PPM1H: variants seen among roughly 807,000 people sequenced by gnomAD.
PPM1H encodes protein phosphatase, Mg2+/Mn2+ dependent 1H.
Under a neutral mutation model 54.9 loss-of-function variants are expected in PPM1H, and 27 were observed. That is an observed-to-expected ratio of 0.49 (90% confidence interval 0.36 to 0.68). PPM1H has a LOEUF of 0.68. Ranked by LOEUF, PPM1H falls within the 30% of genes least tolerant of loss-of-function variation. PPM1H has a pLI of 0.00. For synonymous variants in PPM1H, 305 were observed against 270.8 expected, an observed-to-expected ratio of 1.13 and a Z score of -1.24; for missense variants, 596 against 667.8, an observed-to-expected ratio of 0.89 and a Z score of 1.19.
intron 2 of PPM1H, among the ~76,000 whole-genome samples, chr12:62,827,802 T>G (rs188097940): frequency 6.6e-6 from 1 of 152,258 alleles, no homozygotes; most frequent in Admixed American, 6.5e-5. Context: ...ACCTTACCCA[T>G]CCCCTTCTCC....
intron 6 of PPM1H, among the ~76,000 whole-genome samples, chr12:62,703,691 G>A (rs2120390733): frequency 6.6e-6 from 1 of 152,222 alleles, no homozygotes; most frequent in Admixed American, 6.5e-5. Flanking sequence ...GCTTTTAAGA[G>A]CTTGGCATGA....
intron 4 of PPM1H, among the ~76,000 whole-genome samples, chr12:62,754,157 A>G (rs140117677): frequency 0.014 from 2,097 of 152,358 alleles, 29 homozygotes; most frequent in Middle Eastern, 0.041. Context: ...AAGGAAGGGC[A>G]TTGAAGAAGA....
chr12:62,931,122 C>T (rs1422253557), intron 1 of PPM1H, among the ~76,000 whole-genome samples: 1 of 152,148 alleles, frequency 6.6e-6, no homozygotes, highest in African/African-American at 2.4e-5. Context: ...AATTTTTCTA[C>T]CATCTCAAAG....
chr12:62,789,566 A>G (rs1045106047), intron 3 of PPM1H, among the ~76,000 whole-genome samples: 1 of 152,254 alleles, frequency 6.6e-6, no homozygotes, highest in Non-Finnish European at 1.5e-5. Flanking sequence ...TTACAATGGT[A>G]AAACGTTTAT....
intron 9 of PPM1H, among the ~76,000 whole-genome samples, chr12:62,654,078 CA>C (rs1407589443): frequency 1.3e-5 from 2 of 151,508 alleles, no homozygotes; most frequent in Non-Finnish European, 2.9e-5. Flanking sequence ...CCTGTCTCTA[CA>C]AAAAAATACA....
chr12:62,732,200 C>A lies in PPM1H; in HGVS notation c.954+5302G>T, dbSNP rs563213591. ...CCTGCCACATTCCGTGTGAACATGT[C>A]AAACCCTCAAGCCTGCTCAATTAAT... On this transcript the variant is annotated intron_variant, in intron 5 of 9. Transcript: ENST00000228705. Among the ~76,000 whole-genome samples the A allele has an allele frequency of 3.3e-5, 5 of 152,302 alleles. No homozygotes were observed. The South Asian group carries it at 1.0e-3, about 32-fold the overall frequency.
intron 6 of PPM1H, among the ~76,000 whole-genome samples, chr12:62,694,667 G>T (rs1337443702): frequency 6.6e-6 from 1 of 152,176 alleles, no homozygotes; most frequent in African/African-American, 2.4e-5. Flanking sequence ...TTGCAATTTT[G>T]CTTATAACCA....
chr12:62,826,902 C>T (rs1426090357), intron 2 of PPM1H, among the ~76,000 whole-genome samples: 1 of 152,086 alleles, frequency 6.6e-6, no homozygotes, highest in East Asian at 1.9e-4. Flanking sequence ...TCCACTTTTC[C>T]CATCCTTATC....
At chr12:62,923,282 G>C (rs1871859934) in intron 1 of PPM1H, among the ~76,000 whole-genome samples, 1 of 152,212 alleles carries the variant, frequency 6.6e-6, no homozygotes, top group Admixed American at 6.5e-5. Flanking sequence ...TACACACACA[G>C]ATAAATGATA....
rs961945045 is a variant in PPM1H, at chr12:62,929,760, C to A, written c.245+4732G>T. 5.9e-5 allele frequency among the ~76,000 whole-genome samples: 9 copies of A among 152,216 alleles called. No homozygotes were observed. In the East Asian group the frequency reaches 1.2e-3, roughly 20 times the overall value. On this transcript the variant is annotated intron_variant, in intron 1 of 9. Transcript: ENST00000228705. ...ATGCTATATCTGAAATATGAAGGAA[C>A]GCTTAGCTGTCTGCTTTAAAATAGG...
chr12:62,755,987 A>G (rs1439259696), intron 4 of PPM1H: 2 of 1,311,404 alleles, frequency 1.5e-6, no homozygotes, highest in Admixed American at 3.6e-5. Context: ...AAAACTGCCA[A>G]ATATGATGAC....
chr12:62,751,287 C>G (rs533271575), intron 4 of PPM1H, among the ~76,000 whole-genome samples: 1 of 152,072 alleles, frequency 6.6e-6, no homozygotes, highest in Non-Finnish European at 1.5e-5. Context: ...AGCAATGTGA[C>G]GGAACAACTG....
At chr12:62,740,166 T>C (rs1388811249) in intron 4 of PPM1H, among the ~76,000 whole-genome samples, 10 of 152,212 alleles carry the variant, frequency 6.6e-5, no homozygotes, top group Admixed American at 6.5e-4. Context: ...GCCTCAGAAA[T>C]TGATAATAAT....
At chr12:62,921,181 G>C (rs182857676) in intron 1 of PPM1H, among the ~76,000 whole-genome samples, 1 of 152,004 alleles carries the variant, frequency 6.6e-6, no homozygotes, top group South Asian at 2.1e-4. Flanking sequence ...CGCCCGCCTC[G>C]GCCTCCCAAA....
At chr12:62,802,944 C>A (rs567999125) in intron 2 of PPM1H, among the ~76,000 whole-genome samples, 22 of 152,076 alleles carry the variant, frequency 1.4e-4, no homozygotes, top group Non-Finnish European at 2.6e-4. Context: ...TGATCTGGGG[C>A]CTTGGAAAAA....
At chr12:62,765,749 G>A (rs2076538919) in intron 4 of PPM1H, among the ~76,000 whole-genome samples, 1 of 152,214 alleles carries the variant, frequency 6.6e-6, no homozygotes, top group African/African-American at 2.4e-5. Context: ...GGATGGGATG[G>A]AGGAGTCAGG....
In PPM1H at chr12:62,657,419, A is replaced by T. The variant is rs2075851014; in HGVS notation, c.1398-8783T>A. 3.9e-5 allele frequency among the ~76,000 whole-genome samples: 6 copies of T among 152,178 alleles called. No individual in the cohort carries two copies. In the South Asian group the frequency reaches 1.2e-3, roughly 32 times the overall value. On this transcript the variant is annotated intron_variant, in intron 9 of 9. Transcript: ENST00000228705. ...CACAGCTCTGCCACATAAACACCCT[A>T]AACAGGATGGGACGGTGGTTGGCTG...
intron 4 of PPM1H, among the ~76,000 whole-genome samples, chr12:62,787,314 G>A (rs1298666799): frequency 6.6e-6 from 1 of 152,150 alleles, no homozygotes; most frequent in East Asian, 1.9e-4. Flanking sequence ...ACAGAAGAAT[G>A]AGAGTCCTCA....
chr12:62,883,535 T>A (rs1870471387), intron 1 of PPM1H, among the ~76,000 whole-genome samples: 1 of 152,150 alleles, frequency 6.6e-6, no homozygotes, highest in Non-Finnish European at 1.5e-5. Context: ...GACCCTTGGA[T>A]AAATTACATC....
Sources: allele counts gnomAD v4.1 joint callset (sites outside exome capture counted in the v4.1 genomes callset), GRCh38; gene constraint gnomAD v4.1.1; transcripts MANE v1.5; gene names NCBI Gene and HGNC (gene_info 2026-07-23, HGNC 2026-07-21).